The following CSMD2 variants were observed in gnomAD, a reference collection of about 807,000 sequenced individuals.
The protein encoded by CSMD2 is CUB and Sushi multiple domains 2.
Under a neutral mutation model 398.5 loss-of-function variants are expected in CSMD2, and 130 were observed. The ratio of observed to expected loss-of-function variants is 0.33; its 90% CI spans 0.28 to 0.38. The LOEUF is 0.38. Among genes scored for constraint, CSMD2 ranks in the 10% least tolerant of loss-of-function variants. The probability of loss-of-function intolerance (pLI) is 1.00; values close to 1 mark genes in which losing one functional copy is unlikely to be tolerated. For synonymous variants in CSMD2, 1,828 were observed against 1,908.5 expected (o/e 0.96, Z 1.10); for missense variants, 3,829 against 4,764.9 (o/e 0.80, Z 5.78).
chr1:33,626,403 G>T, intron 33 of CSMD2, 83 bp downstream of exon 33: 1 of 974,964 alleles, frequency 1.0e-6, no homozygotes, highest in Non-Finnish European at 1.5e-6. Flanking sequence ...CAGACTAGAG[G>T]TCAAAGATCC....
chr1:33,762,397 G>A (rs985223792), intron 13 of CSMD2, among the ~76,000 whole-genome samples: 1 of 152,222 alleles, frequency 6.6e-6, no homozygotes, highest in African/African-American at 2.4e-5. Flanking sequence ...GGTGAAAGCT[G>A]AAATGAGAAT....
chr1:33,795,733 T>G (rs1258536822), intron 10 of CSMD2, among the ~76,000 whole-genome samples: 2 of 152,184 alleles, frequency 1.3e-5, no homozygotes, highest in Non-Finnish European at 2.9e-5. Flanking sequence ...GTTTACTTAT[T>G]CCTCCACTAC....
intron 3 of CSMD2, among the ~76,000 whole-genome samples, chr1:33,975,921 T>G (rs1036878471): frequency 6.6e-6 from 1 of 152,170 alleles, no homozygotes; most frequent in Admixed American, 6.5e-5. Flanking sequence ...ATGAGTATAT[T>G]TGACCTCACA....
chr1:33,724,304 C>A lies in CSMD2; in HGVS notation c.2894G>T (p.Gly965Val). 1 of 1,612,970 alleles carries A rather than the reference C, an allele frequency of 6.2e-7. No homozygotes were observed. Among genetic ancestry groups the A allele is most frequent in the Non-Finnish European group, 8.5e-7 (1 of 1,179,042 alleles). The change falls in exon 19 of 71, where the codon GGT becomes GTT. Residue 965 changes from glycine to valine, a missense_variant. This residue lies in a region of CSMD2 where 2,001 missense variants were observed against 2,567.1 expected (regional missense o/e 0.78). Transcript: ENST00000373381. ...CCCACTGGAGCCTTGAATGAAGCCACCACAGAGAGCTACAGAAGGAGTGAA... is the reference window on the plus strand; with the variant it reads ...CCCACTGGAGCCTTGAATGAAGCCAACACAGAGAGCTACAGAAGGAGTGAA... The part of the protein sequence containing the change: ...RALPSCEALC[G>V]GFIQGSSGTI...
chr1:33,517,747 G>A (rs1030145840), intron 70 of CSMD2, among the ~76,000 whole-genome samples: 1 of 152,178 alleles, frequency 6.6e-6, no homozygotes, highest in South Asian at 2.1e-4. Context: ...TTTGTATTCA[G>A]GAGCTGCATC....
intron 3 of CSMD2, among the ~76,000 whole-genome samples, chr1:33,981,784 C>T (rs1302629033): frequency 1.3e-5 from 2 of 152,134 alleles, no homozygotes; most frequent in African/African-American, 4.8e-5. Context: ...GAGGAGAACC[C>T]CTGGGACAAT....
At chr1:33,521,619 A>G in intron 67 of CSMD2, 69 bp from the exon 68 acceptor site, 1 of 990,636 alleles carries the variant, frequency 1.0e-6, no homozygotes, top group Non-Finnish European at 1.6e-6. Context: ...CTCTCTCATC[A>G]TACACGCTGC....
intron 13 of CSMD2, among the ~76,000 whole-genome samples, chr1:33,750,592 C>T (rs988239647): frequency 2.0e-5 from 3 of 152,044 alleles, no homozygotes; most frequent in African/African-American, 7.3e-5. Flanking sequence ...AATACTAAAA[C>T]ATATTATAAA....
intron 5 of CSMD2, among the ~76,000 whole-genome samples, chr1:33,857,426 A>G (rs1365830681): frequency 1.3e-5 from 2 of 152,132 alleles, no homozygotes; most frequent in African/African-American, 4.8e-5. Context: ...TAGCTAAACC[A>G]TAGGAAGAGT....
intron 47 of CSMD2, among the ~76,000 whole-genome samples, chr1:33,582,775 G>A (rs1191366538): frequency 6.6e-5 from 10 of 152,190 alleles, no homozygotes; most frequent in Admixed American, 2.0e-4. Context: ...CCGTCTCACA[G>A]TACACACTTA....
intron 5 of CSMD2, among the ~76,000 whole-genome samples, chr1:33,907,115 CTTT>C (rs59706894): frequency 2.0e-4 from 18 of 88,978 alleles, no homozygotes; most frequent in Admixed American, 5.2e-4. Context: ...TGATGATTAT[CTTT>C]TTTTTTTTTT....
chr1:33,784,334 A>T (rs1445815187), intron 12 of CSMD2, among the ~76,000 whole-genome samples: 1 of 152,002 alleles, frequency 6.6e-6, no homozygotes, highest in Non-Finnish European at 1.5e-5. Flanking sequence ...AGGGAGTCAC[A>T]TCGGGGTGCC....
At chr1:33,885,744 T>G (rs544633610) in intron 5 of CSMD2, among the ~76,000 whole-genome samples, 6 of 152,158 alleles carry the variant, frequency 3.9e-5, no homozygotes, top group Non-Finnish European at 7.3e-5. Flanking sequence ...TCTTACAAAA[T>G]ATGTGTATGG....
intron 12 of CSMD2, among the ~76,000 whole-genome samples, chr1:33,782,421 G>A (rs1472762840): frequency 7.2e-5 from 11 of 152,168 alleles, no homozygotes; most frequent in Admixed American, 7.2e-4. Context: ...GAGTCCTCAT[G>A]AGACCCTGGA....
chr1:33,970,220 A>G (rs535617183), intron 3 of CSMD2, among the ~76,000 whole-genome samples: 1 of 152,266 alleles, frequency 6.6e-6, no homozygotes, highest in South Asian at 2.1e-4. Context: ...TGAATGAGTG[A>G]GTGAGTGTGT....
chr1:33,709,048 G>A, intron 22 of CSMD2, 41 bp downstream of exon 22: 2 of 1,529,550 alleles, frequency 1.3e-6, no homozygotes, highest in Non-Finnish European at 1.8e-6. Flanking sequence ...CTAGACTATT[G>A]CATACTATAA....
intron 1 of CSMD2, among the ~76,000 whole-genome samples, chr1:34,089,964 C>A (rs1251196206): frequency 6.6e-6 from 1 of 152,146 alleles, no homozygotes; most frequent in Non-Finnish European, 1.5e-5. Context: ...TTTCTGTCTC[C>A]ATTTCCTTAC....
chr1:33,791,563 G>A (rs1047693219), intron 11 of CSMD2, among the ~76,000 whole-genome samples: 3 of 152,038 alleles, frequency 2.0e-5, no homozygotes, highest in Non-Finnish European at 2.9e-5. Context: ...TCAGCTCACT[G>A]CAGCCTCAAC....
At chr1:33,740,134 C>T (rs935611581) in intron 14 of CSMD2, among the ~76,000 whole-genome samples, 3 of 152,150 alleles carry the variant, frequency 2.0e-5, no homozygotes, top group Non-Finnish European at 4.4e-5. Flanking sequence ...CGGTGCGGCA[C>T]GTGACAGATG....
Sources: allele counts gnomAD v4.1 joint callset (sites outside exome capture counted in the v4.1 genomes callset), GRCh38; gene constraint gnomAD v4.1.1; regional missense constraint gnomAD v4.1.1; transcripts MANE v1.5; gene names NCBI Gene and HGNC (gene_info 2026-07-23, HGNC 2026-07-21).